Variants in ESR1 observed in about 807,000 individuals in gnomAD.
ESR1 encodes the protein estrogen receptor.
ESR1 carries 12 observed loss-of-function variants against 52.7 expected under a neutral mutation model. That is an observed-to-expected ratio of 0.23 (90% confidence interval 0.15 to 0.37). ESR1 has a LOEUF of 0.37. Ranked by LOEUF, ESR1 falls within the 10% of genes least tolerant of loss-of-function variation. ESR1 has a pLI of 1.00. For synonymous variants in ESR1, 305 were observed against 316.8 expected (o/e 0.96, Z 0.39); for missense variants, 584 against 779.7 (o/e 0.75, Z 2.99).
chr6:151,925,394 G>A (rs994824324), intron 3 of ESR1, among the ~76,000 whole-genome samples: 4 of 152,152 alleles, frequency 2.6e-5, no homozygotes, highest in Admixed American at 6.5e-5. Context: ...ATCACCTGAG[G>A]TCAGGAGTTC....
At chr6:152,059,452 C>CA (rs944437840) in intron 5 of ESR1, among the ~76,000 whole-genome samples, 10 of 151,326 alleles carry the variant, frequency 6.6e-5, no homozygotes, top group Non-Finnish European at 1.3e-4. Flanking sequence ...GAAGAAAAAA[C>CA]AAAAAACCAT....
chr6:152,089,703 C>A (rs146687072), intron 6 of ESR1, among the ~76,000 whole-genome samples: 1 of 152,084 alleles, frequency 6.6e-6, no homozygotes, highest in African/African-American at 2.4e-5. Context: ...CTCAGCCTCC[C>A]GAGTAGCTGG....
chr6:151,771,450 C>T (rs1487865464), intron 2 of ESR1, among the ~76,000 whole-genome samples: 5 of 152,192 alleles, frequency 3.3e-5, no homozygotes, highest in African/African-American at 9.7e-5. Flanking sequence ...ATGAGAAATA[C>T]GGCTGGAATT....
chr6:151,667,238 A>G (rs570906959), intron 1 of ESR1, among the ~76,000 whole-genome samples: 2 of 152,174 alleles, frequency 1.3e-5, no homozygotes, highest in Non-Finnish European at 2.9e-5. Flanking sequence ...TACATATCAG[A>G]ACACTTGTCA....
rs1785357655 is a variant in ESR1, at chr6:151,847,584, GT to G, written c.643+4799del. 2.1e-5 allele frequency among the ~76,000 whole-genome samples: 3 copies of G among 139,624 alleles called. No individual in the cohort carries two copies. In the Admixed American group the frequency reaches 2.2e-4, roughly 10 times the overall value. 91.6% of individuals were successfully genotyped at this position (139,624 alleles called of 152,430 possible). The stretch of plus-strand genomic sequence containing the variant: ...TGTCCTTCGCCCACTTTTTGATGGG[GT>G]TGTTTGTTTTTTTCTTGTAAATTTG... On this transcript the variant is annotated intron_variant, in intron 2 of 7. Coordinates refer to ENST00000206249, the MANE Select transcript of ESR1 (RefSeq NM_000125.4).
intron 1 of ESR1, among the ~76,000 whole-genome samples, chr6:151,698,147 C>T (rs1215635986): frequency 6.6e-6 from 1 of 151,788 alleles, no homozygotes; most frequent in African/African-American, 2.4e-5. Flanking sequence ...GGGTGAATTG[C>T]TTTTGCTCAG....
chr6:151,734,563 T>C (rs1205360354), intron 2 of ESR1, among the ~76,000 whole-genome samples: 1 of 152,126 alleles, frequency 6.6e-6, no homozygotes, highest in Admixed American at 6.5e-5. Flanking sequence ...GTGACAAGGT[T>C]AGGGCTTCTT....
chr6:151,952,865 A>G (rs1227284746), intron 4 of ESR1, among the ~76,000 whole-genome samples: 1 of 152,224 alleles, frequency 6.6e-6, no homozygotes, highest in Non-Finnish European at 1.5e-5. Context: ...TTGTTCTTTA[A>G]AAGTCGTATA....
At chr6:151,897,866 T>C (rs1795795472) in intron 3 of ESR1, among the ~76,000 whole-genome samples, 1 of 152,316 alleles carries the variant, frequency 6.6e-6, no homozygotes, top group South Asian at 2.1e-4. Flanking sequence ...TAGCAGTTCG[T>C]GTAGTCATGT....
At chr6:151,670,739 ACACC>A (rs1778022620) in intron 1 of ESR1, among the ~76,000 whole-genome samples, 1 of 146,686 alleles carries the variant, frequency 6.8e-6, no homozygotes, top group African/African-American at 2.6e-5. Context: ...TTGCGCCGTT[ACACC>A]CAGCTAATTT....
At chr6:151,784,998 A>G (rs1786886790) in intron 2 of ESR1, among the ~76,000 whole-genome samples, 1 of 151,010 alleles carries the variant, frequency 6.6e-6, no homozygotes, top group Non-Finnish European at 1.5e-5. Flanking sequence ...CTGATTGGGC[A>G]AGGCCCACCC....
chr6:151,828,269 T>A lies in ESR1; in HGVS notation c.453-14328T>A, dbSNP rs369108950. Among the ~76,000 whole-genome samples, 13 of 152,312 alleles carry A rather than the reference T, an allele frequency of 8.5e-5. No individual in the cohort carries two copies. In the East Asian group the frequency reaches 2.3e-3, roughly 27 times the overall value. Reference sequence around the variant, plus strand: ...ACTTAAGAAAATTCAAATGATGCATTGGCTGCCTCCTATTTATTACATGCT... The same window carrying A: ...ACTTAAGAAAATTCAAATGATGCATAGGCTGCCTCCTATTTATTACATGCT... On this transcript the variant is annotated intron_variant, in intron 1 of 7. Transcript: ENST00000206249.
intron 6 of ESR1, among the ~76,000 whole-genome samples, chr6:152,084,338 G>A (rs947674349): frequency 1.2e-4 from 18 of 151,868 alleles, no homozygotes; most frequent in African/African-American, 4.4e-4. Flanking sequence ...GAGTTGATGG[G>A]TGCAGCAAAC....
At position 151,861,127 on chromosome 6, in the gene ESR1, G is replaced by A. The variant is rs141971100; in HGVS notation, c.643+18340G>A. Among the ~76,000 whole-genome samples, 749 of 152,236 alleles carry A rather than the reference G, an allele frequency of 4.9e-3. 3 individuals are homozygous for A. Among genetic ancestry groups the A allele is most frequent in the Admixed American group, 0.01 (157 of 15,284 alleles). On this transcript the variant is annotated intron_variant, in intron 2 of 7. Transcript: ENST00000206249. ...AACAACTTTAAATTAAATTTGGTTGGATGTATAAATTATTAAAATATCCTT... is the reference window on the plus strand; with the variant it reads ...AACAACTTTAAATTAAATTTGGTTGAATGTATAAATTATTAAAATATCCTT...
At chr6:151,660,868 C>A (rs1376469252) in intron 1 of ESR1, among the ~76,000 whole-genome samples, 2 of 152,210 alleles carry the variant, frequency 1.3e-5, no homozygotes, top group African/African-American at 2.4e-5. Context: ...ACCTTTCGCA[C>A]TCACGAGATA....
At chr6:151,912,552 A>G (rs1351282386) in intron 3 of ESR1, among the ~76,000 whole-genome samples, 1 of 152,216 alleles carries the variant, frequency 6.6e-6, no homozygotes, top group Non-Finnish European at 1.5e-5. Context: ...ATATGGTGTC[A>G]GTAATTACCT....
intron 6 of ESR1, among the ~76,000 whole-genome samples, chr6:152,119,559 C>T (rs758098628): frequency 3.9e-5 from 6 of 152,144 alleles, no homozygotes; most frequent in Non-Finnish European, 8.8e-5. Flanking sequence ...CCTTCCCATC[C>T]TTCCTGGTCA....
intron 3 of ESR1, among the ~76,000 whole-genome samples, chr6:151,909,812 G>A (rs1035714602): frequency 4.7e-4 from 72 of 152,138 alleles, no homozygotes; most frequent in African/African-American, 1.7e-3. Context: ...GGCCTTGGGT[G>A]TGGAAGTAGA....
chr6:152,023,688 C>T (rs574681751), intron 5 of ESR1, among the ~76,000 whole-genome samples: 5 of 152,254 alleles, frequency 3.3e-5, no homozygotes, highest in African/African-American at 1.2e-4. Context: ...TAATGTCTGT[C>T]TATTTGAATT....
Sources: gnomAD v4.1 joint callset for allele counts (sites outside exome capture counted in the v4.1 genomes callset) on GRCh38, gnomAD v4.1.1 for gene constraint, MANE v1.5 for transcripts, NCBI Gene and HGNC (gene_info 2026-07-23, HGNC 2026-07-21) for gene names.